The following GNAI1 variants were observed in gnomAD, a reference collection of about 807,000 sequenced individuals.
GNAI1 encodes G protein subunit alpha i1, also known as guanine nucleotide-binding protein G(i) subunit alpha-1.
Under a neutral mutation model 38.9 loss-of-function variants are expected in GNAI1, and 11 were observed. That is an observed-to-expected ratio of 0.28 (90% CI 0.18 to 0.47). The LOEUF is 0.47. GNAI1 is among the 20% of genes least tolerant of loss of function. The pLI is 0.99. For missense variants in GNAI1, 317 were observed against 436.9 expected (o/e 0.73, Z 2.45); for synonymous variants, 166 against 145.1 (o/e 1.14, Z -1.04).
At chr7:80,143,501 G>A (rs1160616829) in intron 1 of GNAI1, among the ~76,000 whole-genome samples, 1 of 152,112 alleles carries the variant, frequency 6.6e-6, no homozygotes, top group Non-Finnish European at 1.5e-5. Flanking sequence ...TGCTATCTAT[G>A]AATTTAGTTT....
At chr7:80,144,982 TC>T (rs1231769273) in intron 1 of GNAI1, among the ~76,000 whole-genome samples, 1 of 152,156 alleles carries the variant, frequency 6.6e-6, no homozygotes, top group Non-Finnish European at 1.5e-5. Context: ...AAGATGGTGC[TC>T]CTCTAATTCA....
At chr7:80,195,389 C>G (rs1254559994) in intron 3 of GNAI1, among the ~76,000 whole-genome samples, 2 of 151,782 alleles carry the variant, frequency 1.3e-5, no homozygotes, top group South Asian at 2.1e-4. Context: ...AAATGACTTC[C>G]TATTTCATTT....
chr7:80,156,042 CAAAAAA>C (rs1182960135), intron 1 of GNAI1, among the ~76,000 whole-genome samples: 1 of 68,532 alleles, frequency 1.5e-5, no homozygotes. Context: ...GACTCTGTCT[CAAAAAA>C]AAAAAAAAAA....
At chr7:80,189,638 G>A (rs763543846) in intron 3 of GNAI1, among the ~76,000 whole-genome samples, 1 of 152,168 alleles carries the variant, frequency 6.6e-6, no homozygotes, top group East Asian at 1.9e-4. Flanking sequence ...AGACTGAAAA[G>A]CAATCTAATC....
At chr7:80,141,827 A>G (rs1787531006) in intron 1 of GNAI1, among the ~76,000 whole-genome samples, 1 of 152,212 alleles carries the variant, frequency 6.6e-6, no homozygotes, top group Non-Finnish European at 1.5e-5. Flanking sequence ...CCAGGTTCAT[A>G]GCTTACAAGG....
At chr7:80,171,890 A>C (rs918375862) in intron 1 of GNAI1, among the ~76,000 whole-genome samples, 1 of 152,172 alleles carries the variant, frequency 6.6e-6, no homozygotes, top group Non-Finnish European at 1.5e-5. Context: ...TTTGTACACC[A>C]CATCTCTGTA....
intron 1 of GNAI1, among the ~76,000 whole-genome samples, chr7:80,145,308 G>A (rs1056917690): frequency 3.9e-5 from 6 of 152,134 alleles, no homozygotes; most frequent in Admixed American, 6.5e-5. Context: ...TGATATAGAA[G>A]TATTGAGAAA....
chr7:80,162,491 T>A (rs1312772200), intron 1 of GNAI1, among the ~76,000 whole-genome samples: 1 of 152,236 alleles, frequency 6.6e-6, no homozygotes, highest in Non-Finnish European at 1.5e-5. Flanking sequence ...ATGGCAAGGT[T>A]AATACAAGCA....
rs932172267 is a variant in GNAI1, at chr7:80,220,263, A to G, written c.*2770A>G. ...TTACTACATGTGATATGCTTAGAGCAGTGCCTACAATGTGGGAAGTGTTCA... is the reference window on the plus strand; with the variant it reads ...TTACTACATGTGATATGCTTAGAGCGGTGCCTACAATGTGGGAAGTGTTCA... On this transcript the variant is annotated 3_prime_UTR_variant, in exon 8 of 8. Coordinates refer to ENST00000649796, the MANE Select transcript of GNAI1 (RefSeq NM_002069.6). Among the ~76,000 whole-genome samples, 1 of 152,232 alleles carries G rather than the reference A, an allele frequency of 6.6e-6. No individual in the cohort carries two copies.
chr7:80,155,634 A>G (rs1462097991), intron 1 of GNAI1, among the ~76,000 whole-genome samples: 2 of 152,280 alleles, frequency 1.3e-5, no homozygotes, highest in African/African-American at 4.8e-5. Context: ...TGCCTTTATT[A>G]TTGAAGATCA....
At chr7:80,142,880 C>T (rs1335175175) in intron 1 of GNAI1, among the ~76,000 whole-genome samples, 1 of 152,084 alleles carries the variant, frequency 6.6e-6, no homozygotes, top group Non-Finnish European at 1.5e-5. Flanking sequence ...ATGTGATTTT[C>T]ATATTTGAAT....
At chr7:80,139,566 T>C (rs554478932) in intron 1 of GNAI1, among the ~76,000 whole-genome samples, 1 of 152,342 alleles carries the variant, frequency 6.6e-6, no homozygotes, top group African/African-American at 2.4e-5. Context: ...TTTCTTTGAA[T>C]ACCTAACAAC....
rs1584037743 is a variant in GNAI1 at position 80,189,114 on chromosome 7, A to G, written c.186A>G (p.Ser62=). The part of the protein sequence containing the change: ...QMKIIHEAGY[S]EEECKQYKAV... Reference sequence around the variant, plus strand: ...GAATTATCCATGAAGCTGGTTATTCAGAAGAGGAGTGTAAACAATACAAAG... The same window carrying G: ...GAATTATCCATGAAGCTGGTTATTCGGAAGAGGAGTGTAAACAATACAAAG... Residue 62 remains serine (S), a synonymous_variant, in exon 3 of 8, where the codon TCA becomes TCG. Coordinates refer to ENST00000649796, the MANE Select transcript of GNAI1 (RefSeq NM_002069.6). The G allele has an allele frequency of 6.2e-7, 1 of 1,604,906 alleles. No individual in the cohort carries two copies. The highest frequency in any genetic ancestry group is 2.2e-5 in the East Asian group (1 of 44,758).
At chr7:80,146,862 G>A (rs1261138132) in intron 1 of GNAI1, among the ~76,000 whole-genome samples, 1 of 152,114 alleles carries the variant, frequency 6.6e-6, no homozygotes, top group African/African-American at 2.4e-5. Context: ...CATTCATCAT[G>A]TTCTAGATAT....
At chr7:80,178,760 T>C (rs530017729) in intron 1 of GNAI1, among the ~76,000 whole-genome samples, 1 of 152,236 alleles carries the variant, frequency 6.6e-6, no homozygotes, top group Non-Finnish European at 1.5e-5. Context: ...ATATTCTCTT[T>C]ACTGCAGTGG....
At chr7:80,186,410 T>G (rs1264053088) in intron 1 of GNAI1, among the ~76,000 whole-genome samples, 7 of 152,162 alleles carry the variant, frequency 4.6e-5, no homozygotes, top group Non-Finnish European at 1.0e-4. Context: ...CAAAGTAAGC[T>G]AAGCGTCCCA....
chr7:80,188,396 G>A (rs1788424390), intron 1 of GNAI1, among the ~76,000 whole-genome samples: 1 of 152,038 alleles, frequency 6.6e-6, no homozygotes, highest in African/African-American at 2.4e-5. Flanking sequence ...TTAATGCTTT[G>A]GAGAATACAC....
chr7:80,218,945 A>G lies in GNAI1; in HGVS notation c.*1452A>G, dbSNP rs56209286. The stretch of plus-strand genomic sequence containing the variant: ...CCACCCCACCCTCCTTTTTTTACTC[A>G]TCTTGGAAAAGGTTAGTCTTTCAGT... On this transcript the variant is annotated 3_prime_UTR_variant, in exon 8 of 8. Coordinates refer to ENST00000649796, the MANE Select transcript of GNAI1 (RefSeq NM_002069.6). 0.025 allele frequency: 3,776 copies of G among 152,132 alleles called. 48 individuals carry two copies. Among genetic ancestry groups the G allele is most frequent in the Middle Eastern group, 0.058 (17 of 294 alleles). The allele number at this position is 152,132 out of a possible 1,614,324, so 9.4% of individuals were successfully genotyped here.
chr7:80,164,703 A>G (rs1012864663), intron 1 of GNAI1, among the ~76,000 whole-genome samples: 1 of 152,096 alleles, frequency 6.6e-6, no homozygotes, highest in Non-Finnish European at 1.5e-5. Context: ...GACTTTACCT[A>G]ATTTTATCAC....
Sources: gnomAD v4.1 joint callset for allele counts (sites outside exome capture counted in the v4.1 genomes callset) on GRCh38, gnomAD v4.1.1 for gene constraint, MANE v1.5 for transcripts, NCBI Gene and HGNC (gene_info 2026-07-23, HGNC 2026-07-21) for gene names.